Variants in HEPHL1 observed in about 807,000 individuals in gnomAD.
HEPHL1 encodes ferroxidase HEPHL1.
In HEPHL1, 123 loss-of-function variants were observed where a neutral mutation model predicts 122.0. The ratio of observed to expected loss-of-function variants is 1.01; its 90% CI spans 0.87 to 1.17. The LOEUF (loss-of-function observed/expected upper bound fraction) is 1.17. HEPHL1 is among the 50% of genes most tolerant of loss of function. HEPHL1 has a pLI of 0.00. For missense variants in HEPHL1, 1,452 were observed against 1,430.5 expected, an observed-to-expected ratio of 1.01 and a Z score of -0.24; for synonymous variants, 527 against 508.9, an observed-to-expected ratio of 1.04 and a Z score of -0.48.
rs771060319 is a variant in HEPHL1, at chr11:94,086,127, G to C, written c.2018G>C (p.Arg673Pro). The change falls in exon 11 of 20, where the codon CGA (arginine) becomes CCA (proline). Residue 673 changes from arginine to proline, a missense_variant. Coordinates refer to ENST00000315765, the MANE Select transcript of HEPHL1 (RefSeq NM_001098672.2). ...GNTIHLRGTHRDSLALFPHMA... is the reference protein window; with the variant it reads ...GNTIHLRGTHPDSLALFPHMA... Reference sequence around the variant, plus strand: ...ACCATCCACCTACGAGGGACTCACCGAGACTCCCTGGCCCTGTTTCCCCAC... The same window carrying C: ...ACCATCCACCTACGAGGGACTCACCCAGACTCCCTGGCCCTGTTTCCCCAC... The C allele has an allele frequency of 6.2e-7, 1 of 1,613,240 alleles. No homozygotes were observed. Among genetic ancestry groups the C allele is most frequent in the South Asian group, 1.1e-5 (1 of 90,920 alleles).
At chr11:94,060,296 G>A (rs570213100) in intron 2 of HEPHL1, among the ~76,000 whole-genome samples, 22 of 151,370 alleles carry the variant, frequency 1.5e-4, no homozygotes, top group African/African-American at 4.6e-4. Context: ...ATATATATAT[G>A]TGTGTGTATA....
chr11:94,106,231 G>A (rs1181270262), intron 17 of HEPHL1, 101 bp downstream of exon 17: 1 of 857,348 alleles, frequency 1.2e-6, no homozygotes, highest in East Asian at 2.5e-5. Flanking sequence ...ATGCTTGTGA[G>A]GATAGGTGAG....
At chr11:94,103,540 C>T (rs571052812) in intron 15 of HEPHL1, among the ~76,000 whole-genome samples, 1 of 152,220 alleles carries the variant, frequency 6.6e-6, no homozygotes, top group Admixed American at 6.5e-5. Context: ...TCACTCTAAA[C>T]ATAGTAACTG....
At chr11:94,071,838 T>C (rs949721626) in intron 6 of HEPHL1, among the ~76,000 whole-genome samples, 60 of 151,900 alleles carry the variant, frequency 3.9e-4, no homozygotes, top group African/African-American at 1.3e-3. Flanking sequence ...TTTAACTGAA[T>C]AGGGAAGAGA....
At chr11:94,075,582 C>T (rs1037377554) in intron 9 of HEPHL1, among the ~76,000 whole-genome samples, 197 bp downstream of exon 9, 3 of 152,108 alleles carry the variant, frequency 2.0e-5, no homozygotes, top group African/African-American at 7.2e-5. Flanking sequence ...TACAAATGCC[C>T]ACTCAGGAAC....
chr11:94,024,863 T>C (rs952901038), intron 1 of HEPHL1, among the ~76,000 whole-genome samples: 7 of 152,140 alleles, frequency 4.6e-5, no homozygotes, highest in African/African-American at 1.4e-4. Context: ...ACTTTGTCAT[T>C]GACAATATCC....
intron 2 of HEPHL1, among the ~76,000 whole-genome samples, chr11:94,058,018 T>C (rs181073009): frequency 4.6e-4 from 70 of 152,252 alleles, no homozygotes; most frequent in Admixed American, 1.9e-3. Context: ...GATGTCTGCT[T>C]TTTTTATTAT....
chr11:94,083,861 G>A (rs1946194625), intron 10 of HEPHL1, among the ~76,000 whole-genome samples: 2 of 152,140 alleles, frequency 1.3e-5, no homozygotes, highest in South Asian at 4.2e-4. Context: ...GGAAATTAAG[G>A]TGGAAATAAG....
chr11:94,056,088 T>C, intron 2 of HEPHL1: 1 of 320,316 alleles, frequency 3.1e-6, no homozygotes, highest in Non-Finnish European at 5.8e-6. Flanking sequence ...ACATTTATAA[T>C]GTTATATTTT....
At chr11:94,050,457 C>T (rs879673742) in intron 2 of HEPHL1, among the ~76,000 whole-genome samples, 11 of 152,058 alleles carry the variant, frequency 7.2e-5, no homozygotes, top group Non-Finnish European at 1.2e-4. Flanking sequence ...AGGCATGAGG[C>T]TAGCTGTACA....
intron 4 of HEPHL1, among the ~76,000 whole-genome samples, chr11:94,065,957 G>A (rs547912491): frequency 1.6e-4 from 25 of 152,336 alleles, no homozygotes; most frequent in East Asian, 9.6e-4. Context: ...GCAGGTGTGG[G>A]AGGATTGCTT....
chr11:94,098,229 A>C (rs921608525), intron 13 of HEPHL1, among the ~76,000 whole-genome samples: 1 of 152,166 alleles, frequency 6.6e-6, no homozygotes, highest in Non-Finnish European at 1.5e-5. Flanking sequence ...AAAATCTCTC[A>C]GCATTTGCTT....
rs1284919144 is a variant in HEPHL1, at chr11:94,073,056, A to G, written c.1264A>G (p.Asn422Asp). The change falls in exon 7 of 20, where the codon AAC becomes GAC. Residue 422 changes from asparagine to aspartate, a missense_variant. By Grantham distance (23) the Asn-to-Asp change is conservative (BLOSUM62 1). Transcript: ENST00000315765. ...DSDLYFTQGD[N>D]RIGGKYWKVR... ...TGATCTCTACTTCACACAAGGGGAC[A>G]ACAGAATAGGAGGAAAATACTGGAA... 1.2e-6 allele frequency: 2 copies of G among 1,612,928 alleles called. No homozygotes were observed. The highest frequency in any genetic ancestry group is 1.7e-6 in the Non-Finnish European group (2 of 1,179,234).
At chr11:94,093,987 T>G (rs1441927066) in intron 13 of HEPHL1, among the ~76,000 whole-genome samples, 1,317 of 82,220 alleles carry the variant, frequency 0.016, 98 homozygotes, top group African/African-American at 0.077. Flanking sequence ...TATATATATA[T>G]ATATATATAT....
chr11:94,073,534 A>G, intron 8 of HEPHL1, 95 bp downstream of exon 8: 2 of 1,255,890 alleles, frequency 1.6e-6, no homozygotes, highest in Non-Finnish European at 2.2e-6. Flanking sequence ...CCTTTCCATT[A>G]CCTGCCCTGA....
At chr11:94,038,302 T>C (rs1271816834) in intron 1 of HEPHL1, among the ~76,000 whole-genome samples, 3 of 146,448 alleles carry the variant, frequency 2.0e-5, no homozygotes, top group Admixed American at 1.4e-4. Flanking sequence ...CTCTGCAGGA[T>C]ATTATCCAGG....
intron 6 of HEPHL1, among the ~76,000 whole-genome samples, chr11:94,071,156 A>G (rs1169755465): frequency 6.6e-6 from 1 of 152,154 alleles, no homozygotes; most frequent in Non-Finnish European, 1.5e-5. Context: ...CTAGCAATTT[A>G]TTAGGTGGAT....
intron 11 of HEPHL1, 47 bp downstream of exon 11, chr11:94,086,236 GCTCA>G: frequency 7.1e-7 from 1 of 1,418,348 alleles, no homozygotes; most frequent in South Asian, 1.2e-5. Flanking sequence ...CTACCTTCAG[GCTCA>G]TCCTCTTAGA....
chr11:94,033,606 T>C (rs1261978577), intron 1 of HEPHL1, among the ~76,000 whole-genome samples: 1 of 152,176 alleles, frequency 6.6e-6, no homozygotes, highest in African/African-American at 2.4e-5. Context: ...GTGCACAAGA[T>C]AAAATCTATT....
Sources: allele counts gnomAD v4.1 joint callset (sites outside exome capture counted in the v4.1 genomes callset), GRCh38; gene constraint gnomAD v4.1.1; transcripts MANE v1.5; gene names NCBI Gene and HGNC (gene_info 2026-07-23, HGNC 2026-07-21).